Variants in PRKACB observed in about 807,000 individuals in gnomAD.
PRKACB encodes the protein cAMP-dependent protein kinase catalytic subunit beta.
Under a neutral mutation model 51.4 loss-of-function variants are expected in PRKACB, and 16 were observed. The observed-to-expected ratio is 0.31, with a 90% confidence interval of 0.21 to 0.47. The LOEUF is 0.47. Ranked by LOEUF, PRKACB falls within the 20% of genes least tolerant of loss-of-function variation. The pLI is 1.00. For missense variants in PRKACB, 309 were observed against 464.5 expected, an observed-to-expected ratio of 0.67 and a Z score of 3.08; for synonymous variants, 147 against 154.4, an observed-to-expected ratio of 0.95 and a Z score of 0.35.
chr1:84,097,897 C>G (rs1317717116), intron 1 of PRKACB, among the ~76,000 whole-genome samples: 1 of 152,092 alleles, frequency 6.6e-6, no homozygotes, highest in Non-Finnish European at 1.5e-5. Context: ...TAAGGTCGGT[C>G]TTCTTTATTC....
chr1:84,107,405 C>T (rs1213408656), intron 1 of PRKACB, among the ~76,000 whole-genome samples: 1 of 151,994 alleles, frequency 6.6e-6, no homozygotes, highest in Non-Finnish European at 1.5e-5. Context: ...CTAGGAAATA[C>T]CATTTTGGAC....
Position 84,185,434 on chromosome 1 carries a change from C to G in PRKACB, c.560+252C>G, listed in dbSNP as rs563990350. Among the ~76,000 whole-genome samples, 10 of 151,692 alleles carry G rather than the reference C, an allele frequency of 6.6e-5. No homozygotes were observed. In the South Asian group the frequency reaches 2.1e-3, roughly 31 times the overall value. ...TGCTAGATATTGTGAGGGTCCACTA[C>G]TTGAAGAGTTTTCAGAAAATGGAAA... On this transcript the variant is annotated intron_variant, in intron 5 of 9. Coordinates refer to ENST00000370685, the MANE Select transcript of PRKACB (RefSeq NM_182948.4).
At chr1:84,123,889 G>A (rs116631185) in intron 1 of PRKACB, among the ~76,000 whole-genome samples, 1,694 of 152,144 alleles carry the variant, frequency 0.011, 40 homozygotes, top group African/African-American at 0.039. Context: ...TAGGCAGTAA[G>A]CTTTGTATTT....
chr1:84,084,456 AT>A (rs1647804765), intron 1 of PRKACB, among the ~76,000 whole-genome samples: 1 of 152,114 alleles, frequency 6.6e-6, no homozygotes, highest in Admixed American at 6.5e-5. Context: ...GAGAAACATG[AT>A]ACAATTTGGG....
At chr1:84,178,477 C>G (rs543185486) in intron 1 of PRKACB, among the ~76,000 whole-genome samples, 1 of 152,042 alleles carries the variant, frequency 6.6e-6, no homozygotes, top group Non-Finnish European at 1.5e-5. Flanking sequence ...TTTATACCCA[C>G]ATTATTAATC....
At chr1:84,163,792 C>T (rs1476535057) in intron 1 of PRKACB, among the ~76,000 whole-genome samples, 1 of 152,040 alleles carries the variant, frequency 6.6e-6, no homozygotes, top group Non-Finnish European at 1.5e-5. Flanking sequence ...TTCCACATCA[C>T]CAAAAGTCCT....
intron 9 of PRKACB, among the ~76,000 whole-genome samples, chr1:84,217,308 T>C (rs1204327295): frequency 6.6e-6 from 1 of 152,128 alleles, no homozygotes; most frequent in Non-Finnish European, 1.5e-5. Context: ...TAGAACCTAG[T>C]ATTTGATATA....
At chr1:84,230,246 T>C in intron 9 of PRKACB, among the ~76,000 whole-genome samples, 1 of 150,082 alleles carries the variant, frequency 6.7e-6, no homozygotes, top group Non-Finnish European at 1.5e-5. Flanking sequence ...TAGTTGTAGA[T>C]ATGTGGCATT....
intron 1 of PRKACB, among the ~76,000 whole-genome samples, chr1:84,174,512 GA>G (rs1282238060): frequency 6.6e-6 from 1 of 151,786 alleles, no homozygotes; most frequent in African/African-American, 2.4e-5. Flanking sequence ...GTAGTATTCA[GA>G]GTCTAGCTCA....
rs945029918 is a variant in PRKACB, at chr1:84,236,920, A to C, written c.*1615A>C. ...TTTATTTTTAATCAAGCTGATCTTA[A>C]TGTATATAATCATTCTATTTGCTTT... On this transcript the variant is annotated 3_prime_UTR_variant, in exon 10 of 10. Coordinates refer to ENST00000370685, the MANE Select transcript of PRKACB (RefSeq NM_182948.4). 7.9e-5 allele frequency: 12 copies of C among 152,422 alleles called. No homozygotes were observed. Among genetic ancestry groups the C allele is most frequent in the African/African-American group, 2.9e-4 (12 of 41,454 alleles). The allele number at this position is 152,422 out of a possible 1,614,324, so 9.4% of individuals were successfully genotyped here.
chr1:84,090,723 C>A (rs902919933), intron 1 of PRKACB, among the ~76,000 whole-genome samples: 23 of 152,136 alleles, frequency 1.5e-4, no homozygotes, highest in African/African-American at 5.1e-4. Flanking sequence ...GCTGTATCAC[C>A]TTTTATGACC....
intron 7 of PRKACB, among the ~76,000 whole-genome samples, chr1:84,199,020 T>C (rs1669095648): frequency 6.8e-6 from 1 of 147,120 alleles, no homozygotes; most frequent in Non-Finnish European, 1.5e-5. Context: ...TATATGCGTA[T>C]ATATACACAT....
Position 84,091,693 on chromosome 1 carries a change from T to C in PRKACB, c.46+13322T>C, listed in dbSNP as rs111993509. 3.8e-3 allele frequency among the ~76,000 whole-genome samples: 571 copies of C among 152,054 alleles called. 3 individuals carry two copies. Among genetic ancestry groups the C allele is most frequent in the African/African-American group, 0.013 (537 of 41,466 alleles). ...CTAATTTTCGTATTTTTGGTAGAGA[T>C]GGGGTTTTGCCATGTTGCCCGGCCT... On this transcript the variant is annotated intron_variant, in intron 1 of 8. Coordinates refer to the PRKACB transcript ENST00000370688.
At chr1:84,078,179 C>A in exon 1 of PRKACB, 2 of 857,546 alleles carry the variant, frequency 2.3e-6, no homozygotes, top group Non-Finnish European at 3.4e-6. Context: ...CCGGCCCGGT[C>A]TTCGCGCCCG....
At chr1:84,234,430 GGTGGGCTCCACCCAGTTC>G (rs1247340249) in intron 9 of PRKACB, among the ~76,000 whole-genome samples, 1 of 152,240 alleles carries the variant, frequency 6.6e-6, no homozygotes, top group Non-Finnish European at 1.5e-5. Context: ...CTTGAGCTGT[GGTGGGCTCCACCCAGTTC>G]GAGCTTCCCA....
chr1:84,087,981 C>T (rs921111177), intron 1 of PRKACB, among the ~76,000 whole-genome samples: 3 of 152,050 alleles, frequency 2.0e-5, no homozygotes, highest in Admixed American at 2.0e-4. Flanking sequence ...CAAGTAAAAG[C>T]ACAATTATGA....
chr1:84,116,721 A>G, intron 1 of PRKACB, among the ~76,000 whole-genome samples: 1 of 152,048 alleles, frequency 6.6e-6, no homozygotes, highest in Non-Finnish European at 1.5e-5. Context: ...TTTTTGGTGA[A>G]GTCTTTGGTT....
At chr1:84,206,321 A>T (rs72710880) in intron 8 of PRKACB, among the ~76,000 whole-genome samples, 24,625 of 152,134 alleles carry the variant, frequency 0.16, 2,483 homozygotes, top group South Asian at 0.25. Flanking sequence ...CAATATTTAC[A>T]TGAAGGGTAA....
chr1:84,190,105 C>T (rs1666313064), intron 5 of PRKACB, among the ~76,000 whole-genome samples: 1 of 151,738 alleles, frequency 6.6e-6, no homozygotes, highest in Non-Finnish European at 1.5e-5. Context: ...ACCTAATATA[C>T]TTTTCATACA....
Sources: gnomAD v4.1 joint callset for allele counts (sites outside exome capture counted in the v4.1 genomes callset) on GRCh38, gnomAD v4.1.1 for gene constraint, MANE v1.5 for transcripts, NCBI Gene and HGNC (gene_info 2026-07-23, HGNC 2026-07-21) for gene names.